Variants in CFH observed in about 807,000 individuals in gnomAD.
The protein encoded by CFH is complement factor H.
A neutral mutation model predicts 147.3 loss-of-function variants in CFH; 53 were observed. The observed-to-expected ratio is 0.36, with a 90% confidence interval of 0.29 to 0.45. CFH has a LOEUF of 0.45. Ranked by LOEUF, CFH falls within the 20% of genes least tolerant of loss-of-function variation. The probability of loss-of-function intolerance (pLI) is 1.00; values close to 1 mark genes in which losing one functional copy is unlikely to be tolerated. For synonymous variants in CFH, 536 were observed against 489.4 expected, an observed-to-expected ratio of 1.10 and a Z score of -1.26; for missense variants, 1,380 against 1,498.0, an observed-to-expected ratio of 0.92 and a Z score of 1.30.
intron 5 of CFH, chr1:196,678,273 G>A (rs1337169648): frequency 1.3e-5 from 2 of 153,796 alleles, no homozygotes; most frequent in Admixed American, 6.4e-5. Context: ...AAGTTTTATA[G>A]TAAACTGTAA....
At chr1:196,658,650 C>G (rs986472179) in intron 1 of CFH, among the ~76,000 whole-genome samples, 6 of 151,972 alleles carry the variant, frequency 3.9e-5, no homozygotes, top group African/African-American at 1.4e-4. Context: ...ATCTCCTGAC[C>G]TCGTGATCTG....
chr1:196,744,785 T>A (rs1172005323), intron 20 of CFH, among the ~76,000 whole-genome samples: 2 of 152,182 alleles, frequency 1.3e-5, no homozygotes, highest in African/African-American at 4.8e-5. Flanking sequence ...TCTATTTTTC[T>A]ATTTTTTCAG....
chr1:196,737,913 C>A (rs1395599580), intron 17 of CFH, among the ~76,000 whole-genome samples: 2 of 152,042 alleles, frequency 1.3e-5, no homozygotes, highest in African/African-American at 4.8e-5. Flanking sequence ...GTATTATTCT[C>A]ATGCTGCCAT....
chr1:196,735,525 A>T (rs1243242336), intron 15 of CFH, among the ~76,000 whole-genome samples: 1 of 152,100 alleles, frequency 6.6e-6, no homozygotes, highest in African/African-American at 2.4e-5. Flanking sequence ...TTAAATAATA[A>T]TGATTGTGGT....
At chr1:196,701,260 T>C in intron 9 of CFH, 1 of 1,612,114 alleles carries the variant, frequency 6.2e-7, no homozygotes, top group South Asian at 1.1e-5. Context: ...AAGGAGTTGC[T>C]AGTGGAATCT....
intron 15 of CFH, among the ~76,000 whole-genome samples, chr1:196,735,411 A>T (rs1045409647): frequency 1.3e-5 from 2 of 152,110 alleles, no homozygotes; most frequent in African/African-American, 4.8e-5. Flanking sequence ...CTAAATGTAG[A>T]ATTAGGCTAT....
At chr1:196,714,755 C>A (rs1347349536) in intron 10 of CFH, among the ~76,000 whole-genome samples, 1 of 140,460 alleles carries the variant, frequency 7.1e-6, no homozygotes, top group Non-Finnish European at 1.5e-5. Flanking sequence ...GGCTGGAGTG[C>A]AGTGGCATGA....
In CFH at chr1:196,747,447, T is replaced by C. The variant is rs1020210769; in HGVS notation, c.*134T>C. Reference sequence around the variant, plus strand: ...GGATTAATTTGTGAAAATGTAATTATAAGCTGAGACCGGTGGCTCTCTTCT... The same window carrying C: ...GGATTAATTTGTGAAAATGTAATTACAAGCTGAGACCGGTGGCTCTCTTCT... On this transcript the variant is annotated 3_prime_UTR_variant, in exon 22 of 22. Transcript: ENST00000367429. 1.8e-5 allele frequency: 18 copies of C among 996,140 alleles called. No individual in the cohort carries two copies. Among genetic ancestry groups the C allele is most frequent in the Non-Finnish European group, 2.8e-5 (18 of 648,476 alleles). 61.7% of individuals were successfully genotyped at this position (996,140 alleles called of 1,614,324 possible).
intron 15 of CFH, among the ~76,000 whole-genome samples, chr1:196,735,127 CAGAG>C (rs1229109304): frequency 1.3e-5 from 2 of 151,902 alleles, no homozygotes; most frequent in African/African-American, 2.4e-5. Flanking sequence ...TGTCGGGAGA[CAGAG>C]AGAGAGAGTT....
chr1:196,745,872 A>T lies in CFH; in HGVS notation c.3366A>T (p.Ser1122=), dbSNP rs759681999. Residue 1122 remains serine (S), a synonymous_variant, in exon 21 of 22, where the codon TCA becomes TCT. Coordinates refer to ENST00000367429, the MANE Select transcript of CFH (RefSeq NM_000186.4). ...PPPIDNGDIT[S]FPLSVYAPAS... is the part of the protein sequence containing the mutation. ...CTATTGACAATGGGGACATTACTTCATTCCCGTTGTCAGTATATGCTCCAG... is the reference window on the plus strand; with the variant it reads ...CTATTGACAATGGGGACATTACTTCTTTCCCGTTGTCAGTATATGCTCCAG... 1 of 1,614,158 alleles carries T rather than the reference A, an allele frequency of 6.2e-7. No homozygotes were observed. Among genetic ancestry groups the T allele is most frequent in the South Asian group, 1.1e-5 (1 of 91,086 alleles).
intron 21 of CFH, among the ~76,000 whole-genome samples, chr1:196,746,459 C>T (rs1402733936): frequency 6.6e-6 from 1 of 152,002 alleles, no homozygotes; most frequent in East Asian, 1.9e-4. Context: ...TCAATAAAAA[C>T]AACAAAAAAA....
At chr1:196,682,039 T>G (rs1667676410) in intron 6 of CFH, among the ~76,000 whole-genome samples, 1 of 151,788 alleles carries the variant, frequency 6.6e-6, no homozygotes, top group Non-Finnish European at 1.5e-5. Context: ...ATACTTTAAT[T>G]TTCTTCAATC....
At chr1:196,745,176 A>C (rs141689019) in intron 20 of CFH, among the ~76,000 whole-genome samples, 2,174 of 152,088 alleles carry the variant, frequency 0.014, 52 homozygotes, top group African/African-American at 0.049. Flanking sequence ...TTTGGAGTTC[A>C]CTCAGCTTCT....
rs1260929747 is a variant in CFH, at chr1:196,698,679, T to G, written c.1336+8440T>G. Among the ~76,000 whole-genome samples the G allele has an allele frequency of 2.6e-5, 4 of 152,276 alleles. No individual in the cohort carries two copies. In the East Asian group the frequency reaches 7.7e-4, roughly 29 times the overall value. ...GAGTTGGTACCATTCCTTTGGAAAC[T>G]ATTTCAAACAATAGAAAAAGAAGGT... On this transcript the variant is annotated intron_variant, in intron 9 of 21. Coordinates refer to ENST00000367429, the MANE Select transcript of CFH (RefSeq NM_000186.4).
chr1:196,677,384 A>G (rs1002624049), intron 4 of CFH, 92 bp from the exon 5 acceptor site: 11 of 1,193,974 alleles, frequency 9.2e-6, no homozygotes, highest in South Asian at 1.3e-5. Context: ...ATTTCCTCCA[A>G]TCTTATCCTG....
intron 9 of CFH, among the ~76,000 whole-genome samples, chr1:196,704,358 G>C (rs968966046): frequency 6.6e-6 from 1 of 152,166 alleles, no homozygotes; most frequent in Non-Finnish European, 1.5e-5. Flanking sequence ...GCCTCCCAAA[G>C]TGCTGGGAGC....
chr1:196,713,956 A>C, intron 10 of CFH, 39 bp downstream of exon 10: 1 of 1,571,976 alleles, frequency 6.4e-7, no homozygotes, highest in South Asian at 1.1e-5. Flanking sequence ...TATCCAGATG[A>C]TACACAAAAG....
intron 12 of CFH, among the ~76,000 whole-genome samples, chr1:196,726,068 A>T (rs1669129479): frequency 6.6e-6 from 1 of 152,204 alleles, no homozygotes; most frequent in Non-Finnish European, 1.5e-5. Context: ...AACAATATTT[A>T]AGCAGCTTAT....
chr1:196,725,093 C>T (rs1669104279), intron 11 of CFH, 28 bp from the exon 12 acceptor site: 1 of 1,576,716 alleles, frequency 6.3e-7, no homozygotes, highest in South Asian at 1.1e-5. Flanking sequence ...ATTATATATT[C>T]TCATGAAATT....
Sources: gnomAD v4.1 joint callset for allele counts (sites outside exome capture counted in the v4.1 genomes callset) on GRCh38, gnomAD v4.1.1 for gene constraint, MANE v1.5 for transcripts, NCBI Gene and HGNC (gene_info 2026-07-23, HGNC 2026-07-21) for gene names.